The following ZNF831 variants were observed in gnomAD, a reference collection of about 807,000 sequenced individuals.
ZNF831 encodes the protein zinc finger protein 831.
ZNF831 carries 59 observed loss-of-function variants against 95.8 expected under a neutral mutation model. That is an observed-to-expected ratio of 0.62 (90% CI 0.50 to 0.77). The LOEUF is 0.77. Ranked by LOEUF, ZNF831 falls within the 30% of genes least tolerant of loss-of-function variation. The probability of loss-of-function intolerance (pLI) is 0.00; values close to 1 mark genes in which losing one functional copy is unlikely to be tolerated. For missense variants in ZNF831, 2,205 were observed against 2,164.0 expected (o/e 1.02, Z -0.38); for synonymous variants, 961 against 925.5 (o/e 1.04, Z -0.70).
intron 1 of ZNF831, among the ~76,000 whole-genome samples, chr20:59,129,243 G>A (rs934845067): frequency 6.6e-5 from 10 of 152,090 alleles, no homozygotes; most frequent in African/African-American, 2.4e-4. Context: ...GTGTGCATGT[G>A]CATGTGTGTA....
In ZNF831 at chr20:59,191,411, C is replaced by A; in HGVS notation, c.392C>A (p.Thr131Lys). Residue 131 changes from threonine (T) to lysine (K), a missense_variant, in exon 2 of 6, where the codon ACG becomes AAG. Transcript: ENST00000371030. ...LPVLSPGLGP[T>K]LGSPGKVRNA... The stretch of plus-strand genomic sequence containing the variant: ...GTCCTGTCGCCGGGCCTGGGCCCCA[C>A]GCTGGGCAGCCCAGGCAAGGTGCGG... 1 of 1,611,000 alleles carries A rather than the reference C, an allele frequency of 6.2e-7. No individual in the cohort carries two copies. The highest frequency in any genetic ancestry group is 1.3e-5 in the African/African-American group (1 of 75,042).
At chr20:59,253,476 A>G (rs1273173270) in intron 5 of ZNF831, among the ~76,000 whole-genome samples, 1 of 152,124 alleles carries the variant, frequency 6.6e-6, no homozygotes, top group East Asian at 1.9e-4. Flanking sequence ...GTTGAAAACC[A>G]CTAAAATATG....
rs2146557360 is a variant in ZNF831, at chr20:59,191,973, G to A, written c.954G>A (p.Gln318=). ...GGAAGCCGTGCGCCCTGCAGCGGCA[G>A]CAGGCGACGGCAGCGGAGAAGCCCT... The part of the protein sequence containing the change: ...TAGKPCALQR[Q]QATAAEKPWD... Residue 318 remains glutamine (Q), a synonymous_variant, in exon 2 of 6, where the codon CAG becomes CAA. Coordinates refer to ENST00000371030, the MANE Select transcript of ZNF831 (RefSeq NM_178457.3). 6.2e-7 allele frequency: 1 copy of A among 1,605,846 alleles called. No individual in the cohort carries two copies. The highest frequency in any genetic ancestry group is 8.5e-7 in the Non-Finnish European group (1 of 1,177,116).
At chr20:59,205,772 G>T (rs1211586616) in intron 3 of ZNF831, among the ~76,000 whole-genome samples, 1 of 152,190 alleles carries the variant, frequency 6.6e-6, no homozygotes, top group Non-Finnish European at 1.5e-5. Flanking sequence ...GCAGTGCAAA[G>T]ATCTTCTAAA....
rs763900056 is a variant in ZNF831 at position 59,191,551 on chromosome 20, G to C, written c.532G>C (p.Gly178Arg). The change falls in exon 2 of 6, where the codon GGC (glycine) becomes CGC (arginine). Residue 178 changes from glycine (G) to arginine (R), a missense_variant. Coordinates refer to ENST00000371030, the MANE Select transcript of ZNF831 (RefSeq NM_178457.3). Reference protein sequence around the residue: ...GERPFPCATCGIAFKTQSNLY... With the variant: ...GERPFPCATCRIAFKTQSNLY... ...GAGGCCCTTCCCGTGTGCCACCTGC[G>C]GCATCGCCTTTAAGACCCAGAGCAA... The C allele has an allele frequency of 6.2e-7, 1 of 1,612,992 alleles. No individual in the cohort carries two copies. Among genetic ancestry groups the C allele is most frequent in the Non-Finnish European group, 8.5e-7 (1 of 1,179,924 alleles).
chr20:59,157,617 G>A (rs1980610492), intron 2 of ZNF831, among the ~76,000 whole-genome samples: 1 of 152,236 alleles, frequency 6.6e-6, no homozygotes. Context: ...CCAGGACTTG[G>A]ATTCAAGGAA....
chr20:59,246,686 A>AT (rs1987624361), intron 4 of ZNF831, among the ~76,000 whole-genome samples: 2 of 152,206 alleles, frequency 1.3e-5, no homozygotes, highest in African/African-American at 4.8e-5. Flanking sequence ...GGTTATCTTG[A>AT]TTGCCTTTCA....
chr20:59,236,303 T>C (rs1986995238), intron 4 of ZNF831, among the ~76,000 whole-genome samples: 1 of 152,200 alleles, frequency 6.6e-6, no homozygotes, highest in Non-Finnish European at 1.5e-5. Flanking sequence ...TGTCCTCTTA[T>C]ATTTCATCTC....
intron 4 of ZNF831, among the ~76,000 whole-genome samples, chr20:59,240,598 G>T (rs368101464): frequency 6.6e-6 from 1 of 151,886 alleles, no homozygotes; most frequent in African/African-American, 2.4e-5. Flanking sequence ...TCAGGAGATG[G>T]AGACCATCCT....
At chr20:59,189,384 A>C (rs1983326239) in intron 1 of ZNF831, among the ~76,000 whole-genome samples, 1 of 152,226 alleles carries the variant, frequency 6.6e-6, no homozygotes, top group African/African-American at 2.4e-5. Context: ...TCTTTTAATT[A>C]GGGCTGTGTT....
At chr20:59,183,384 T>C (rs1982771633) in intron 1 of ZNF831, among the ~76,000 whole-genome samples, 1 of 152,182 alleles carries the variant, frequency 6.6e-6, no homozygotes, top group Non-Finnish European at 1.5e-5. Flanking sequence ...AGGTGAAGAC[T>C]GTAAGTTAGG....
intron 4 of ZNF831, among the ~76,000 whole-genome samples, chr20:59,230,808 A>G (rs1986681096): frequency 6.6e-6 from 1 of 152,254 alleles, no homozygotes; most frequent in African/African-American, 2.4e-5. Flanking sequence ...TTACCATGGT[A>G]TTAAGTACAA....
intron 1 of ZNF831, among the ~76,000 whole-genome samples, chr20:59,168,279 T>C (rs944886064): frequency 3.3e-5 from 5 of 152,216 alleles, no homozygotes; most frequent in African/African-American, 9.6e-5. Context: ...CAGTGTTTTG[T>C]AGTTTTCAGT....
rs114840626 is a variant in ZNF831, at chr20:59,138,463, T to G, written c.-1424-7768T>G. Among the ~76,000 whole-genome samples the G allele has an allele frequency of 8.8e-3, 1,342 of 152,334 alleles. 13 individuals are homozygous for G. Among genetic ancestry groups the G allele is most frequent in the African/African-American group, 0.03 (1,264 of 41,564 alleles). On this transcript the variant is annotated intron_variant, in intron 1 of 7. Transcript: ENST00000637017. ...GCTGGCCCCCGTCCCCTGATCACTGTGCTTGTTTGCACCTCACTGCACTCT... is the reference window on the plus strand; with the variant it reads ...GCTGGCCCCCGTCCCCTGATCACTGGGCTTGTTTGCACCTCACTGCACTCT...
chr20:59,244,558 A>G (rs1987499615), intron 4 of ZNF831, among the ~76,000 whole-genome samples: 1 of 152,172 alleles, frequency 6.6e-6, no homozygotes, highest in Non-Finnish European at 1.5e-5. Context: ...GTTTGTTGCA[A>G]AAAAGAAAGT....
intron 1 of ZNF831, among the ~76,000 whole-genome samples, chr20:59,134,904 G>A (rs1429255964): frequency 6.6e-6 from 1 of 152,160 alleles, no homozygotes; most frequent in Non-Finnish European, 1.5e-5. Flanking sequence ...GGGTTGTGGT[G>A]AGGATTGAGG....
chr20:59,133,666 G>A (rs1023290629), intron 1 of ZNF831, among the ~76,000 whole-genome samples: 2 of 152,154 alleles, frequency 1.3e-5, no homozygotes, highest in South Asian at 2.1e-4. Flanking sequence ...GGTTGACCAA[G>A]TGAGGAAGAA....
In ZNF831 at chr20:59,138,327, C is replaced by A. The variant is rs6123856; in HGVS notation, c.-1424-7904C>A. 4.5e-3 allele frequency among the ~76,000 whole-genome samples: 679 copies of A among 151,246 alleles called. 14 individuals carry two copies. Among genetic ancestry groups the A allele is most frequent in the East Asian group, 0.033 (168 of 5,162 alleles). On this transcript the variant is annotated intron_variant, in intron 1 of 7. Coordinates refer to the ZNF831 transcript ENST00000637017. ...GACTGGGCTTTAGGATGGGTCTCCC[C>A]GCTTTCCATGGTGCTGACAGGCTCC...
chr20:59,125,549 C>T (rs963688116), intron 1 of ZNF831, among the ~76,000 whole-genome samples: 1 of 152,114 alleles, frequency 6.6e-6, no homozygotes, highest in East Asian at 1.9e-4. Flanking sequence ...ACTTTTTGTC[C>T]AACGTGTTCT....
Sources: gnomAD v4.1 joint callset for allele counts (sites outside exome capture counted in the v4.1 genomes callset) on GRCh38, gnomAD v4.1.1 for gene constraint, MANE v1.5 for transcripts, NCBI Gene and HGNC (gene_info 2026-07-23, HGNC 2026-07-21) for gene names.